The following PPIE variants were observed in gnomAD, a reference collection of about 807,000 sequenced individuals.
PPIE encodes the protein peptidylprolyl isomerase E, also known as peptidyl-prolyl cis-trans isomerase E.
PPIE carries 20 observed loss-of-function variants against 38.4 expected under a neutral mutation model. The ratio of observed to expected loss-of-function variants is 0.52; its 90% CI spans 0.37 to 0.76. PPIE has a LOEUF of 0.76. PPIE is among the 30% of genes least tolerant of loss of function. The pLI, the probability that PPIE is intolerant of heterozygous loss-of-function variation, is 0.00. For missense variants in PPIE, 322 were observed against 385.8 expected (o/e 0.83, Z 1.39); for synonymous variants, 142 against 135.7 (o/e 1.05, Z -0.32).
chr1:39,753,838 T>G lies in PPIE; in HGVS notation c.*483T>G, dbSNP rs1648011995. On this transcript the variant is annotated 3_prime_UTR_variant, in exon 10 of 10. Transcript: ENST00000324379. ...CATTTCCTCCCTTGGGCCGATCCCC[T>G]TAGATGTCAGGTGATGTATCTTCAC... 8.1e-6 allele frequency: 8 copies of G among 988,070 alleles called. No individual in the cohort carries two copies. In the South Asian group the frequency reaches 3.3e-4, roughly 40 times the overall value. The allele number at this position is 988,070 out of a possible 1,614,324, so 61.2% of individuals were successfully genotyped here. A position where few individuals can be genotyped will look rare whatever the true frequency, so the allele number is the denominator to read the frequency against.
rs573618490 is a variant in PPIE, at chr1:39,762,982, C to G, written c.838-707C>G. On this transcript the variant is annotated intron_variant, in intron 9 of 9. Transcript: ENST00000356511. ...GTTACTGACTGTGCAGACAAAGCCC[C>G]CTGAGACGCGGAGCAGGTGGCCTCA... The G allele has an allele frequency of 3.0e-5, 41 of 1,355,748 alleles. No homozygotes were observed. In the South Asian group the frequency reaches 4.7e-4, roughly 16 times the overall value. 84.0% of individuals were successfully genotyped at this position (1,355,748 alleles called of 1,614,324 possible). A position where few individuals can be genotyped will look rare whatever the true frequency, so the allele number is the denominator to read the frequency against.
Position 39,744,050 on chromosome 1 carries a change from T to C in PPIE, c.384+126T>C, listed in dbSNP as rs1484559039. On this transcript the variant is annotated intron_variant, in intron 6 of 9. Transcript: ENST00000324379. ...GTGGAGGGAATGAATAATGAATTCTTAGTACTTTGGTAAAGTCAATATTGA... is the reference window on the plus strand; with the variant it reads ...GTGGAGGGAATGAATAATGAATTCTCAGTACTTTGGTAAAGTCAATATTGA... 3 of 617,390 alleles carry C rather than the reference T, an allele frequency of 4.9e-6. No individual in the cohort carries two copies. In the African/African-American group the frequency reaches 5.5e-5, roughly 11 times the overall value. 38.2% of individuals were successfully genotyped at this position (617,390 alleles called of 1,614,324 possible).
At chr1:39,739,662 A>C (rs1647009402) in intron 1 of PPIE, among the ~76,000 whole-genome samples, 2 of 152,140 alleles carry the variant, frequency 1.3e-5, no homozygotes, top group Admixed American at 6.5e-5. Context: ...ACCGAAGCAG[A>C]GGCAAGGCCG....
chr1:39,739,088 A>G (rs1444388293), intron 1 of PPIE, 157 bp downstream of exon 1: 1 of 756,966 alleles, frequency 1.3e-6, no homozygotes, highest in African/African-American at 1.8e-5. Context: ...CTGTGCTTAA[A>G]CTCCTTCCAA....
intron 1 of PPIE, 152 bp downstream of exon 1, chr1:39,739,083 C>A: frequency 1.3e-6 from 1 of 791,172 alleles, no homozygotes; most frequent in Non-Finnish European, 1.8e-6. Flanking sequence ...TCTGGCTGTG[C>A]TTAAACTCCT....
chr1:39,750,282 C>T (rs2124351672), intron 8 of PPIE, among the ~76,000 whole-genome samples: 1 of 152,242 alleles, frequency 6.6e-6, no homozygotes, highest in East Asian at 1.9e-4. Flanking sequence ...TTTCTCTAAT[C>T]CCTTCTAGGC....
At chr1:39,746,616 A>G (rs974783561) in intron 7 of PPIE, 2 of 152,220 alleles carry the variant, frequency 1.3e-5, no homozygotes, top group East Asian at 1.9e-4. Flanking sequence ...AAGGATCCCA[A>G]AGATTAACCA....
chr1:39,745,006 TG>T (rs1647157831), intron 6 of PPIE, among the ~76,000 whole-genome samples: 1 of 151,962 alleles, frequency 6.6e-6, no homozygotes, highest in Non-Finnish European at 1.5e-5. Context: ...TAGAGGACAG[TG>T]GGTGGGCTGG....
At chr1:39,744,740 C>A (rs964829041) in intron 6 of PPIE, among the ~76,000 whole-genome samples, 1 of 152,158 alleles carries the variant, frequency 6.6e-6, no homozygotes, top group Non-Finnish European at 1.5e-5. Context: ...ACACATTGAC[C>A]CACGCCAGAA....
chr1:39,743,578 T>C (rs1172263727), intron 5 of PPIE, among the ~76,000 whole-genome samples: 1 of 152,216 alleles, frequency 6.6e-6, no homozygotes, highest in Non-Finnish European at 1.5e-5. Context: ...GGGGTCTCCA[T>C]CAAGGGCTGA....
rs1285369884 is a variant in PPIE, at chr1:39,755,189, T to A, written c.*1834T>A. ...TTTAGCAGGGACTGAGTCCTGTAGC[T>A]GTTGGACACCTCCTGTGGGTTGGGT... is the stretch of plus-strand genomic sequence containing the variant. On this transcript the variant is annotated 3_prime_UTR_variant, in exon 10 of 10. Transcript: ENST00000324379. The A allele has an allele frequency of 2.0e-6, 2 of 985,344 alleles. No individual in the cohort carries two copies. Among genetic ancestry groups the A allele is most frequent in the African/African-American group, 3.5e-5 (2 of 57,242 alleles). 61.0% of individuals were successfully genotyped at this position (985,344 alleles called of 1,614,324 possible).
intron 9 of PPIE, chr1:39,762,743 A>T: frequency 7.2e-6 from 10 of 1,395,790 alleles, no homozygotes; most frequent in Non-Finnish European, 9.5e-6. Context: ...GTGTGCTAAG[A>T]TCACACAGCC....
intron 7 of PPIE, chr1:39,745,828 C>G: frequency 5.0e-6 from 1 of 201,882 alleles, no homozygotes; most frequent in Non-Finnish European, 1.0e-5. Context: ...ACATCCAGTC[C>G]TCAATTCTAG....
intron 4 of PPIE, 56 bp downstream of exon 4, chr1:39,741,977 C>T (rs1173497660): frequency 1.9e-6 from 3 of 1,584,860 alleles, no homozygotes; most frequent in Non-Finnish European, 2.6e-6. Context: ...TACAGAGGCT[C>T]CTTATTCATA....
intron 1 of PPIE, among the ~76,000 whole-genome samples, chr1:39,739,813 C>T (rs1216682821): frequency 1.3e-5 from 2 of 152,124 alleles, no homozygotes. Context: ...TGCACTTTAT[C>T]CTGAGGACAG....
chr1:39,762,688 A>G (rs1004452149), intron 9 of PPIE: 34 of 1,489,518 alleles, frequency 2.3e-5, no homozygotes, highest in East Asian at 5.0e-5. Context: ...CACACTGTGC[A>G]CACATATCAC....
At chr1:39,752,825 T>C in intron 8 of PPIE, 85 bp from the exon 9 acceptor site, 1 of 1,513,560 alleles carries the variant, frequency 6.6e-7, no homozygotes, top group Non-Finnish European at 8.9e-7. Flanking sequence ...CCTGACTGGC[T>C]GAAGGGCTGT....
At chr1:39,747,455 CTTTTTTTTTTTTT>C (rs35755213) in intron 7 of PPIE, 1 of 72,972 alleles carries the variant, frequency 1.4e-5, no homozygotes, top group African/African-American at 5.3e-5. Context: ...CACATCTTCT[CTTTTTTTTTTTTT>C]TTTTTTTTTT....
chr1:39,748,495 T>G (rs1217015185), intron 7 of PPIE: 1 of 188,208 alleles, frequency 5.3e-6, no homozygotes, highest in Non-Finnish European at 1.1e-5. Context: ...CCCAGCACTT[T>G]GGGAGGCCAA....
Sources: allele counts gnomAD v4.1 joint callset (sites outside exome capture counted in the v4.1 genomes callset), GRCh38; gene constraint gnomAD v4.1.1; transcripts MANE v1.5; gene names NCBI Gene and HGNC (gene_info 2026-07-23, HGNC 2026-07-21).